The following XIRP2 variants were observed in gnomAD, a reference collection of about 807,000 sequenced individuals.
The protein encoded by XIRP2 is xin actin binding repeat containing 2.
In XIRP2, 236 loss-of-function variants were observed where a neutral mutation model predicts 277.0. That is an observed-to-expected ratio of 0.85 (90% CI 0.77 to 0.95). The LOEUF (loss-of-function observed/expected upper bound fraction) is 0.95. XIRP2 is among the 40% of genes least tolerant of loss of function. XIRP2 has a pLI of 0.00. For missense variants in XIRP2, 4,640 were observed against 4,157.5 expected (o/e 1.12, Z -3.19); for synonymous variants, 1,490 against 1,416.5 (o/e 1.05, Z -1.17).
intron 2 of XIRP2, among the ~76,000 whole-genome samples, chr2:167,076,991 TGGC>T (rs1689589751): frequency 6.6e-6 from 1 of 151,850 alleles, no homozygotes; most frequent in African/African-American, 2.4e-5. Flanking sequence ...CCCCCCTACT[TGGC>T]TCATTTTTGT....
chr2:167,004,443 C>G (rs552069175), intron 2 of XIRP2, among the ~76,000 whole-genome samples: 1 of 151,888 alleles, frequency 6.6e-6, no homozygotes, highest in East Asian at 1.9e-4. Context: ...GTAAATGCAA[C>G]TAAAACATTT....
At chr2:167,056,736 A>G (rs1689046739) in intron 2 of XIRP2, among the ~76,000 whole-genome samples, 2 of 152,180 alleles carry the variant, frequency 1.3e-5, no homozygotes, top group Non-Finnish European at 2.9e-5. Flanking sequence ...TAATACAGGT[A>G]TGATGAGTCA....
intron 2 of XIRP2, among the ~76,000 whole-genome samples, chr2:166,944,034 T>G (rs77469606): frequency 0.017 from 2,631 of 152,338 alleles, 75 homozygotes; most frequent in African/African-American, 0.057. Context: ...CAGCCTTTTC[T>G]CTTTGACCCT....
intron 3 of XIRP2, among the ~76,000 whole-genome samples, chr2:167,173,660 G>C (rs73023995): frequency 1.3e-5 from 2 of 152,086 alleles, no homozygotes; most frequent in South Asian, 4.1e-4. Flanking sequence ...CAGTGGGATT[G>C]TTGGATAGTA....
chr2:167,194,044 T>C (rs1296701715), intron 3 of XIRP2, among the ~76,000 whole-genome samples: 1 of 151,998 alleles, frequency 6.6e-6, no homozygotes, highest in Non-Finnish European at 1.5e-5. Flanking sequence ...GGTTGATATA[T>C]AAATTTTCAT....
chr2:167,083,465 T>C (rs1283589391), intron 2 of XIRP2, among the ~76,000 whole-genome samples: 2 of 152,368 alleles, frequency 1.3e-5, no homozygotes, highest in East Asian at 3.9e-4. Context: ...TAGTAGTTTT[T>C]TCCAATTCTG....
chr2:167,101,749 G>A (rs913275049), intron 2 of XIRP2, among the ~76,000 whole-genome samples: 1 of 152,124 alleles, frequency 6.6e-6, no homozygotes. Context: ...TGTCTTAGAA[G>A]GAAGACTTAC....
intron 2 of XIRP2, among the ~76,000 whole-genome samples, chr2:166,982,156 A>G (rs923839048): frequency 6.6e-6 from 1 of 151,952 alleles, no homozygotes; most frequent in African/African-American, 2.4e-5. Context: ...TCGATATTTT[A>G]AAGGTTCTTT....
At chr2:166,910,551 T>G (rs915139575) in intron 2 of XIRP2, among the ~76,000 whole-genome samples, 5 of 152,196 alleles carry the variant, frequency 3.3e-5, no homozygotes, top group Admixed American at 1.3e-4. Context: ...TGTCGATCCT[T>G]TCAAAAAACC....
At chr2:167,215,608 G>A (rs1361137259) in intron 4 of XIRP2, among the ~76,000 whole-genome samples, 4 of 152,114 alleles carry the variant, frequency 2.6e-5, no homozygotes, top group African/African-American at 9.7e-5. Flanking sequence ...CTCAGCTCCT[G>A]GGTCCCCAGT....
chr2:166,980,251 G>A (rs1199521441), intron 2 of XIRP2, among the ~76,000 whole-genome samples: 1 of 151,930 alleles, frequency 6.6e-6, no homozygotes, highest in Non-Finnish European at 1.5e-5. Flanking sequence ...TACTCTAAGA[G>A]TTTTTATAAA....
intron 3 of XIRP2, among the ~76,000 whole-genome samples, chr2:167,146,615 A>G (rs1421823250): frequency 2.6e-5 from 4 of 152,124 alleles, no homozygotes; most frequent in African/African-American, 9.7e-5. Context: ...CGGACACAAT[A>G]AACAGTCTAA....
chr2:167,251,259 T>A lies in XIRP2; in HGVS notation c.9867T>A (p.Ser3289Arg). 1 of 1,613,622 alleles carries A rather than the reference T, an allele frequency of 6.2e-7. No homozygotes were observed. The highest frequency in any genetic ancestry group is 1.7e-5 in the Admixed American group (1 of 59,970). ...STDHMVPDTE[S>R]YDAVEIIRKV... ...ATCACATGGTGCCCGACACTGAAAG[T>A]TATGATGCAGTTGAAATCATCCGCA... The change falls in exon 9 of 11, where the codon AGT becomes AGA. Residue 3289 changes from serine (S) to arginine (R), a missense_variant. Coordinates refer to ENST00000409195, the MANE Select transcript of XIRP2 (RefSeq NM_152381.6).
At chr2:167,084,095 A>G (rs1689839420) in intron 2 of XIRP2, among the ~76,000 whole-genome samples, 1 of 152,086 alleles carries the variant, frequency 6.6e-6, no homozygotes, top group Non-Finnish European at 1.5e-5. Context: ...GATAGATCTT[A>G]TTATTTTGAA....
intron 2 of XIRP2, among the ~76,000 whole-genome samples, chr2:166,964,014 A>G (rs1686364296): frequency 6.6e-6 from 1 of 151,606 alleles, no homozygotes; most frequent in African/African-American, 2.4e-5. Context: ...ATATTGTTAG[A>G]GTAGATCTTA....
chr2:166,932,877 C>A (rs1208831217), intron 2 of XIRP2, among the ~76,000 whole-genome samples: 1 of 152,010 alleles, frequency 6.6e-6, no homozygotes, highest in East Asian at 1.9e-4. Context: ...TATTTTTGAA[C>A]CAACTATTCT....
At position 167,247,260 on chromosome 2, in the gene XIRP2, C is replaced by G; in HGVS notation, c.5868C>G (p.Ser1956=). The part of the protein sequence containing the change: ...KKDAKAVMAG[S]SGEQKTDIHQ... ...ATGCTAAAGCTGTGATGGCAGGATC[C>G]TCGGGAGAGCAGAAAACAGATATTC... The change falls in exon 9 of 11, where the codon TCC becomes TCG. Residue 1956 remains serine (S), a synonymous_variant. Coordinates refer to ENST00000409195, the MANE Select transcript of XIRP2 (RefSeq NM_152381.6). The G allele has an allele frequency of 6.2e-7, 1 of 1,613,592 alleles. No homozygotes were observed. The highest frequency in any genetic ancestry group is 1.1e-5 in the South Asian group (1 of 91,060).
intron 4 of XIRP2, among the ~76,000 whole-genome samples, chr2:167,214,679 G>A (rs1440848370): frequency 6.6e-6 from 1 of 151,882 alleles, no homozygotes. Context: ...CAAATCTCCT[G>A]CCTCAGCCTC....
Position 166,911,246 on chromosome 2 carries a change from C to A in XIRP2, c.408+7356C>A, listed in dbSNP as rs541557908. On this transcript the variant is annotated intron_variant, in intron 2 of 10. Coordinates refer to ENST00000409195, the MANE Select transcript of XIRP2 (RefSeq NM_152381.6). ...TCTCCCATTATTATTGTGTGGGAGT[C>A]TAAGTCTCTTTGTAGGTCACTCAGG... Among the ~76,000 whole-genome samples the A allele has an allele frequency of 1.8e-3, 275 of 152,248 alleles. 2 individuals carry two copies. The highest frequency in any genetic ancestry group is 6.3e-3 in the African/African-American group (260 of 41,538).
Sources: gnomAD v4.1 joint callset for allele counts (sites outside exome capture counted in the v4.1 genomes callset) on GRCh38, gnomAD v4.1.1 for gene constraint, MANE v1.5 for transcripts, NCBI Gene and HGNC (gene_info 2026-07-23, HGNC 2026-07-21) for gene names.